ATP8B4: variants seen among roughly 807,000 people sequenced by gnomAD.
The protein encoded by ATP8B4 is probable phospholipid-transporting ATPase IM.
In ATP8B4, 133 loss-of-function variants were observed where a neutral mutation model predicts 145.6. The observed-to-expected ratio is 0.91, with a 90% confidence interval of 0.79 to 1.05. The LOEUF (loss-of-function observed/expected upper bound fraction) is 1.05. ATP8B4 is among the 50% of genes least tolerant of loss of function. The pLI is 0.00. For missense variants in ATP8B4, 1,458 were observed against 1,425.2 expected (o/e 1.02, Z -0.37); for synonymous variants, 507 against 492.9 (o/e 1.03, Z -0.38).
At chr15:50,010,734 T>C (rs574863966) in intron 7 of ATP8B4, 111 bp downstream of exon 7, 5 of 632,434 alleles carry the variant, frequency 7.9e-6, no homozygotes, top group African/African-American at 3.9e-5. Context: ...TACATACTGA[T>C]GATAATTATT....
intron 6 of ATP8B4, among the ~76,000 whole-genome samples, chr15:50,027,568 T>TG (rs2050107249): frequency 6.6e-6 from 1 of 152,196 alleles, no homozygotes; most frequent in Non-Finnish European, 1.5e-5. Flanking sequence ...TCCACTGCTG[T>TG]TTGTGTGCTC....
intron 3 of ATP8B4, among the ~76,000 whole-genome samples, chr15:50,068,957 C>T: frequency 6.6e-6 from 1 of 152,206 alleles, no homozygotes; most frequent in East Asian, 1.9e-4. Flanking sequence ...CTACCATTCA[C>T]TCTGAAATCC....
rs1197784372 is a variant in ATP8B4, at chr15:50,158,100, C to A, written c.-43+24161G>T. ...GGAGTGCAGTGGCGTGATCTCGGCT[C>A]GCTACAACCTCCACCTCCCAGCCGT... On this transcript the variant is annotated intron_variant, in intron 1 of 3. Transcript: ENST00000558829. 2.0e-5 allele frequency among the ~76,000 whole-genome samples: 3 copies of A among 152,322 alleles called. No individual in the cohort carries two copies. In the East Asian group the frequency reaches 5.8e-4, roughly 29 times the overall value.
At chr15:49,925,472 T>C (rs565409829) in intron 16 of ATP8B4, among the ~76,000 whole-genome samples, 3 of 152,292 alleles carry the variant, frequency 2.0e-5, no homozygotes, top group African/African-American at 7.2e-5. Context: ...AATACTTTTG[T>C]CCTTGTGCAT....
intron 14 of ATP8B4, among the ~76,000 whole-genome samples, chr15:49,955,712 T>A (rs1369742880): frequency 3.3e-5 from 5 of 152,198 alleles, no homozygotes; most frequent in Non-Finnish European, 5.9e-5. Context: ...GGAAATCCTG[T>A]CATGCTACAA....
intron 2 of ATP8B4, among the ~76,000 whole-genome samples, chr15:50,095,533 G>C (rs920811107): frequency 6.6e-6 from 1 of 152,162 alleles, no homozygotes; most frequent in African/African-American, 2.4e-5. Context: ...CAGGGTGAAA[G>C]ATTACTTCAG....
At chr15:50,154,667 A>G (rs1180496847) in intron 1 of ATP8B4, among the ~76,000 whole-genome samples, 1 of 152,036 alleles carries the variant, frequency 6.6e-6, no homozygotes, top group Non-Finnish European at 1.5e-5. Flanking sequence ...AAACAAACAT[A>G]TTTATATTCA....
chr15:50,158,492 G>A (rs1033147503), intron 1 of ATP8B4, among the ~76,000 whole-genome samples: 34 of 149,112 alleles, frequency 2.3e-4, no homozygotes, highest in African/African-American at 6.0e-4. Context: ...GTGGGGGGGC[G>A]CCTCCGCCCG....
rs137863355 is a variant in ATP8B4, at chr15:49,987,426, T to C, written c.713A>G (p.Asn238Ser). 4 of 1,613,794 alleles carry C rather than the reference T, an allele frequency of 2.5e-6. No homozygotes were observed. In the African/African-American group the frequency reaches 5.3e-5, roughly 22 times the overall value. Residue 238 changes from asparagine to serine, a missense_variant, in exon 10 of 28, where the codon AAT (asparagine) becomes AGT (serine). Asn to Ser is a conservative substitution (Grantham distance 46). Coordinates refer to ENST00000284509, the MANE Select transcript of ATP8B4 (RefSeq NM_024837.4). ...AACCATTCCAAAACACCAGCTGGTA[T>C]TTCTCAGGATGCAGCCTCTCAGGAT... ...KIILRGCILR[N>S]TSWCFGMVIF...
chr15:49,931,963 A>G (rs2153466081), intron 15 of ATP8B4, among the ~76,000 whole-genome samples: 1 of 151,924 alleles, frequency 6.6e-6, no homozygotes, highest in Admixed American at 6.6e-5. Flanking sequence ...AGACAAAAAG[A>G]ATAAAATAAG....
At chr15:49,912,178 T>A (rs566204612) in intron 20 of ATP8B4, among the ~76,000 whole-genome samples, 2 of 151,912 alleles carry the variant, frequency 1.3e-5, no homozygotes, top group East Asian at 3.9e-4. Flanking sequence ...ATAATAAAGA[T>A]CAGAGCATAT....
In ATP8B4 at chr15:49,860,074, A is replaced by AGTT. The variant is rs1160269873; in HGVS notation, c.*117_*119dup. ...CTGGCAGTTGTCTGCCGCAGATTTA[A>AGTT]GTTAAGTGAGGCAATCTGCCTGCCC... On this transcript the variant is annotated 3_prime_UTR_variant, in exon 28 of 28. Transcript: ENST00000284509. 8.0e-7 allele frequency: 1 copy of AGTT among 1,250,212 alleles called. No homozygotes were observed. Among genetic ancestry groups the AGTT allele is most frequent in the East Asian group, 2.3e-5 (1 of 42,778 alleles). The allele number at this position is 1,250,212 out of a possible 1,614,324, so 77.4% of individuals were successfully genotyped here.
At chr15:50,074,958 G>A (rs1195219801) in intron 2 of ATP8B4, among the ~76,000 whole-genome samples, 1 of 152,170 alleles carries the variant, frequency 6.6e-6, no homozygotes, top group African/African-American at 2.4e-5. Flanking sequence ...AGGATGGAAT[G>A]ATGAAAGCTA....
intron 6 of ATP8B4, among the ~76,000 whole-genome samples, chr15:50,019,901 C>T (rs1318285361): frequency 6.6e-6 from 1 of 152,142 alleles, no homozygotes; most frequent in Non-Finnish European, 1.5e-5. Context: ...CTTTAGAGTG[C>T]CTGAGAGCTA....
At chr15:49,880,813 T>C (rs2035262866) in intron 23 of ATP8B4, 1 of 132,610 alleles carries the variant, frequency 7.5e-6, no homozygotes, top group Non-Finnish European at 1.6e-5. Flanking sequence ...AACAACAGGC[T>C]AAAAAAAAAA....
intron 1 of ATP8B4, among the ~76,000 whole-genome samples, chr15:50,139,669 A>C (rs2153679723): frequency 6.6e-6 from 1 of 152,340 alleles, no homozygotes; most frequent in Admixed American, 6.5e-5. Flanking sequence ...GTAATAGATC[A>C]GACTAGTAGT....
At chr15:50,001,585 G>C (rs2153560566) in intron 8 of ATP8B4, among the ~76,000 whole-genome samples, 1 of 152,262 alleles carries the variant, frequency 6.6e-6, no homozygotes. Flanking sequence ...TCCATCTAAA[G>C]AACACAAATA....
intron 9 of ATP8B4, among the ~76,000 whole-genome samples, chr15:49,992,404 T>C (rs923493267): frequency 1.3e-5 from 2 of 152,152 alleles, no homozygotes; most frequent in African/African-American, 2.4e-5. Context: ...ACAAATCCCT[T>C]GGCCTTGTGT....
chr15:49,913,081 C>T (rs2039393981), intron 20 of ATP8B4, among the ~76,000 whole-genome samples: 2 of 151,484 alleles, frequency 1.3e-5, no homozygotes, highest in Non-Finnish European at 2.9e-5. Context: ...CAGTGAGCTA[C>T]GATTGCACCA....
Sources: gnomAD v4.1 joint callset for allele counts (sites outside exome capture counted in the v4.1 genomes callset) on GRCh38, gnomAD v4.1.1 for gene constraint, MANE v1.5 for transcripts, NCBI Gene and HGNC (gene_info 2026-07-23, HGNC 2026-07-21) for gene names.